Variants in USP13 observed in about 807,000 individuals in gnomAD.
USP13 encodes the protein ubiquitin specific peptidase 13.
A neutral mutation model predicts 107.8 loss-of-function variants in USP13; 68 were observed. The ratio of observed to expected loss-of-function variants is 0.63; its 90% CI spans 0.52 to 0.77. USP13 has a LOEUF of 0.77. Ranked by LOEUF, USP13 falls within the 30% of genes least tolerant of loss-of-function variation. USP13 has a pLI of 0.00. For synonymous variants in USP13, 377 were observed against 389.5 expected (o/e 0.97, Z 0.38); for missense variants, 945 against 1,093.3 (o/e 0.86, Z 1.91).
At chr3:179,755,644 C>T (rs1205137605) in intron 15 of USP13, among the ~76,000 whole-genome samples, 1 of 152,220 alleles carries the variant, frequency 6.6e-6, no homozygotes, top group African/African-American at 2.4e-5. Context: ...AGTTGTCTCA[C>T]CTTTGTGAGT....
intron 17 of USP13, among the ~76,000 whole-genome samples, chr3:179,761,834 A>G (rs1715024423): frequency 6.6e-6 from 1 of 152,234 alleles, no homozygotes. Context: ...ATAGAAAGAT[A>G]CGGGATATAC....
rs934054309 is a variant in USP13, at chr3:179,653,607, C to T, written c.168+214C>T. 9.6e-5 allele frequency: 61 copies of T among 632,910 alleles called. No individual in the cohort carries two copies. Among genetic ancestry groups the T allele is most frequent in the Non-Finnish European group, 1.5e-4 (58 of 387,968 alleles). The allele number at this position is 632,910 out of a possible 1,614,324, so 39.2% of individuals were successfully genotyped here. On this transcript the variant is annotated intron_variant, in intron 1 of 20. Coordinates refer to ENST00000263966, the MANE Select transcript of USP13 (RefSeq NM_003940.3). This position sits in a 1 kb window ranked among gnomAD's most constrained non-coding sequence, Gnocchi z 4.0. The stretch of plus-strand genomic sequence containing the variant: ...GTGCTGGTGGTTTTGCTCCGCCAGC[C>T]TCCCCAGGCTGGAAGGGCCCGATTC...
At chr3:179,774,067 G>C (rs546273198) in intron 19 of USP13, among the ~76,000 whole-genome samples, 1 of 152,314 alleles carries the variant, frequency 6.6e-6, no homozygotes, top group African/African-American at 2.4e-5. Flanking sequence ...TGCTGGATCT[G>C]CTTTTGAAGA....
chr3:179,746,804 A>G (rs1043927609), intron 13 of USP13, among the ~76,000 whole-genome samples: 2 of 152,004 alleles, frequency 1.3e-5, no homozygotes, highest in African/African-American at 4.8e-5. Flanking sequence ...ACCTCAGGTG[A>G]TCTGCCCTCC....
intron 1 of USP13, among the ~76,000 whole-genome samples, chr3:179,680,173 AAAC>A (rs56274945): frequency 0.093 from 14,032 of 150,192 alleles, 1,372 homozygotes; most frequent in African/African-American, 0.24. Flanking sequence ...ACGCTGTTGA[AAAC>A]AACAACAACA....
intron 12 of USP13, among the ~76,000 whole-genome samples, chr3:179,743,460 G>T (rs867303483): frequency 1.3e-5 from 2 of 151,802 alleles, no homozygotes; most frequent in Admixed American, 6.6e-5. Context: ...TGTGTGTGGG[G>T]GGTGGTGGGT....
At chr3:179,729,074 A>G (rs1713696137) in intron 8 of USP13, among the ~76,000 whole-genome samples, 1 of 152,162 alleles carries the variant, frequency 6.6e-6, no homozygotes. Flanking sequence ...ACTTTATTCA[A>G]GGGGGTCCAT....
chr3:179,699,029 C>T (rs535895332), intron 3 of USP13, among the ~76,000 whole-genome samples: 19 of 152,104 alleles, frequency 1.2e-4, no homozygotes, highest in Middle Eastern at 3.4e-3. Context: ...CCACCACACC[C>T]GGCTAATTTT....
At chr3:179,704,727 G>A (rs1712653542) in intron 4 of USP13, among the ~76,000 whole-genome samples, 1 of 152,168 alleles carries the variant, frequency 6.6e-6, no homozygotes, top group Admixed American at 6.5e-5. Flanking sequence ...GAAAGAAAAA[G>A]CTAATTATAC....
At position 179,786,662 on chromosome 3, in the gene USP13, T is replaced by A. The variant is rs1715922701; in HGVS notation, c.*2521T>A. The A allele has an allele frequency of 6.6e-6, 1 of 152,532 alleles. No individual in the cohort carries two copies. Among genetic ancestry groups the A allele is most frequent in the African/African-American group, 2.4e-5 (1 of 41,480 alleles). The allele number at this position is 152,532 out of a possible 1,614,324, so 9.4% of individuals were successfully genotyped here. ...GCATATTTATATGTGTATCTCAATATATACAAGGCAGGTTCCCCTATAAAA... is the reference window on the plus strand; with the variant it reads ...GCATATTTATATGTGTATCTCAATAAATACAAGGCAGGTTCCCCTATAAAA... On this transcript the variant is annotated 3_prime_UTR_variant, in exon 21 of 21. Transcript: ENST00000263966.
In USP13 at chr3:179,752,322, G is replaced by A. The variant is rs1198123300; in HGVS notation, c.1747G>A (p.Val583Met). The stretch of plus-strand genomic sequence containing the variant: ...TGCTTCATTCCCTGAATACTTGGTA[G>A]TGCAGATAAAGAAGTTCACTTTTGG... ...RFASFPEYLVVQIKKFTFGLD... is the reference protein window; with the variant it reads ...RFASFPEYLVMQIKKFTFGLD... Residue 583 changes from valine to methionine, a missense_variant, in exon 14 of 21, where the codon GTG (valine) becomes ATG (methionine). By Grantham distance (21) the Val-to-Met change is conservative. Transcript: ENST00000263966. 1 of 1,614,000 alleles carries A rather than the reference G, an allele frequency of 6.2e-7. No individual in the cohort carries two copies. Among genetic ancestry groups the A allele is most frequent in the African/African-American group, 1.3e-5 (1 of 74,920 alleles).
At chr3:179,732,412 G>T (rs532925566) in intron 10 of USP13, among the ~76,000 whole-genome samples, 1 of 152,174 alleles carries the variant, frequency 6.6e-6, no homozygotes, top group Non-Finnish European at 1.5e-5. Flanking sequence ...CTGGGGCAGG[G>T]TCCATGCTCT....
chr3:179,733,782 T>G (rs1713891144), intron 10 of USP13, among the ~76,000 whole-genome samples: 1 of 152,200 alleles, frequency 6.6e-6, no homozygotes, highest in South Asian at 2.1e-4. Flanking sequence ...TAGCATCACA[T>G]AGTGCTTGCA....
intron 3 of USP13, among the ~76,000 whole-genome samples, chr3:179,699,482 TG>T (rs1436033100): frequency 6.6e-6 from 1 of 151,846 alleles, no homozygotes; most frequent in South Asian, 2.1e-4. Context: ...GATGCTGAGG[TG>T]GGGGGATTGC....
At chr3:179,750,674 C>T (rs923211252) in intron 13 of USP13, among the ~76,000 whole-genome samples, 3 of 152,130 alleles carry the variant, frequency 2.0e-5, no homozygotes, top group Non-Finnish European at 2.9e-5. Context: ...ATAGCTTTTA[C>T]CTCTTTCATG....
intron 13 of USP13, among the ~76,000 whole-genome samples, chr3:179,748,744 T>C (rs1000438796): frequency 6.6e-6 from 1 of 152,180 alleles, no homozygotes; most frequent in Non-Finnish European, 1.5e-5. Context: ...CCATTCTCAT[T>C]TATAAAGAGA....
chr3:179,729,507 T>TTTTGA (rs1408158248), intron 8 of USP13, among the ~76,000 whole-genome samples: 1 of 152,222 alleles, frequency 6.6e-6, no homozygotes, highest in African/African-American at 2.4e-5. Context: ...AGTCTTGCTC[T>TTTTGA]GTCATCCAGG....
Position 179,765,703 on chromosome 3 carries a change from C to T in USP13, c.2268C>T (p.Asn756=). 1 of 1,613,960 alleles carries T rather than the reference C, an allele frequency of 6.2e-7. No homozygotes were observed. Among genetic ancestry groups the T allele is most frequent in the Non-Finnish European group, 8.5e-7 (1 of 1,179,950 alleles). ...AIQALRATNN[N]LERALDWIFS... is the part of the protein sequence containing the mutation. Reference sequence around the variant, plus strand: ...TTCTTTTTTGTTGTTAGAATAATAACCTGGAAAGAGCACTGGATTGGATCT... The same window carrying T: ...TTCTTTTTTGTTGTTAGAATAATAATCTGGAAAGAGCACTGGATTGGATCT... Residue 756 remains asparagine, a synonymous_variant, in exon 19 of 21, where the codon AAC becomes AAT. Transcript: ENST00000263966.
At chr3:179,753,340 T>G (rs1454901738) in intron 14 of USP13, among the ~76,000 whole-genome samples, 2 of 152,176 alleles carry the variant, frequency 1.3e-5, no homozygotes, top group African/African-American at 4.8e-5. Context: ...AGATCCTCCC[T>G]TTTCCTGGCA....
Sources: allele counts gnomAD v4.1 joint callset (sites outside exome capture counted in the v4.1 genomes callset), GRCh38; gene constraint gnomAD v4.1.1; non-coding constraint Gnocchi (gnomAD v3.1); transcripts MANE v1.5; gene names NCBI Gene and HGNC (gene_info 2026-07-23, HGNC 2026-07-21).